ZNF592: variants seen among roughly 807,000 people sequenced by gnomAD.
The protein encoded by ZNF592 is zinc finger protein 592.
In ZNF592, 11 loss-of-function variants were observed where a neutral mutation model predicts 80.3. That is an observed-to-expected ratio of 0.14 (90% CI 0.09 to 0.23). The LOEUF (loss-of-function observed/expected upper bound fraction) is 0.23. ZNF592 is among the 10% of genes least tolerant of loss of function. ZNF592 has a pLI of 1.00. For synonymous variants in ZNF592, 646 were observed against 640.3 expected, an observed-to-expected ratio of 1.01 and a Z score of -0.13; for missense variants, 1,420 against 1,633.9, an observed-to-expected ratio of 0.87 and a Z score of 2.26.
intron 5 of ZNF592, among the ~76,000 whole-genome samples, chr15:84,791,507 G>T (rs546883891): frequency 6.6e-6 from 1 of 152,282 alleles, no homozygotes; most frequent in Non-Finnish European, 1.5e-5. Context: ...CTTCCCTCTA[G>T]AGCTCATTGA....
In ZNF592 at chr15:84,803,798, C is replaced by A. The variant is rs1963167849; in HGVS notation, c.*1405C>A. On this transcript the variant is annotated 3_prime_UTR_variant, in exon 11 of 11. Transcript: ENST00000560079. ...ACTTGGGAGACTGGCTGTCTTTTCACTGATGGTGGAGTCAGGGCCCACCCA... is the reference window on the plus strand; with the variant it reads ...ACTTGGGAGACTGGCTGTCTTTTCAATGATGGTGGAGTCAGGGCCCACCCA... 1.3e-5 allele frequency: 2 copies of A among 152,210 alleles called. No individual in the cohort carries two copies. The highest frequency in any genetic ancestry group is 6.5e-5 in the Admixed American group (1 of 15,284). The allele number at this position is 152,210 out of a possible 1,614,324, so 9.4% of individuals were successfully genotyped here. A position where few individuals can be genotyped will look rare whatever the true frequency, so the allele number is the denominator to read the frequency against.
chr15:84,790,899 C>T lies in ZNF592; in HGVS notation c.2399+16C>T, dbSNP rs1163695145. On this transcript the variant is annotated intron_variant, in intron 5 of 10. Transcript: ENST00000560079. ...TGGGCTACAGGTGGGTGCTGCCTGG[C>T]TTGCTGTCCTGGTATTGCCCAATGG... 6.2e-7 allele frequency: 1 copy of T among 1,614,042 alleles called. No homozygotes were observed. The highest frequency in any genetic ancestry group is 8.5e-7 in the Non-Finnish European group (1 of 1,180,028).
chr15:84,802,644 C>G lies in ZNF592; in HGVS notation c.*251C>G. ...TTTTCGCTGCTTCTTGGTGCCCCATCTCTTGTCTGTGTCCTTCCAACCCCA... is the reference window on the plus strand; with the variant it reads ...TTTTCGCTGCTTCTTGGTGCCCCATGTCTTGTCTGTGTCCTTCCAACCCCA... On this transcript the variant is annotated 3_prime_UTR_variant, in exon 11 of 11. Coordinates refer to ENST00000560079, the MANE Select transcript of ZNF592 (RefSeq NM_014630.3). 1.8e-6 allele frequency: 1 copy of G among 560,344 alleles called. No homozygotes were observed. The highest frequency in any genetic ancestry group is 3.2e-6 in the Non-Finnish European group (1 of 312,004). 34.7% of individuals were successfully genotyped at this position (560,344 alleles called of 1,614,324 possible).
intron 3 of ZNF592, among the ~76,000 whole-genome samples, chr15:84,780,090 G>T (rs150952197): frequency 4.0e-5 from 6 of 150,392 alleles, no homozygotes; most frequent in African/African-American, 1.5e-4. Flanking sequence ...GGGTTCAAGT[G>T]ATTCTCCTGC....
chr15:84,757,061 C>T (rs1899193892), intron 1 of ZNF592, among the ~76,000 whole-genome samples: 3 of 151,966 alleles, frequency 2.0e-5, no homozygotes, highest in South Asian at 4.2e-4. Context: ...TGCAGTGAGT[C>T]GACATTACGC....
intron 1 of ZNF592, among the ~76,000 whole-genome samples, chr15:84,760,833 G>A (rs945267798): frequency 1.3e-5 from 2 of 152,348 alleles, no homozygotes; most frequent in Middle Eastern, 6.8e-3. Context: ...CAGGGAGGCA[G>A]TGAGTTGGTG....
At chr15:84,789,937 T>A (rs1962694135) in intron 4 of ZNF592, among the ~76,000 whole-genome samples, 1 of 152,234 alleles carries the variant, frequency 6.6e-6, no homozygotes, top group Non-Finnish European at 1.5e-5. Flanking sequence ...TTGTCAGAGC[T>A]CTGCCCATCA....
intron 3 of ZNF592, among the ~76,000 whole-genome samples, chr15:84,781,784 T>C (rs1037694453): frequency 6.6e-6 from 1 of 152,226 alleles, no homozygotes; most frequent in Admixed American, 6.5e-5. Flanking sequence ...GTGAGTTTTA[T>C]AAGAATTTCC....
rs1056461509 is a variant in ZNF592 at position 84,799,941 on chromosome 15, G to A, written c.3237G>A (p.Thr1079=). 2.0e-5 allele frequency: 32 copies of A among 1,614,060 alleles called. No homozygotes were observed. The highest frequency in any genetic ancestry group is 2.3e-5 in the Non-Finnish European group (27 of 1,180,038). The part of the protein sequence containing the change: ...HGIRNPDLSQ[T]SKVKPPGGHS... ...TCAGAAACCCTGATTTGAGCCAGAC[G>A]TCCAAAGTGAAACCTCCGGGTGGAC... Residue 1079 remains threonine, a synonymous_variant, in exon 10 of 11, where the codon ACG becomes ACA. Coordinates refer to ENST00000560079, the MANE Select transcript of ZNF592 (RefSeq NM_014630.3). The surrounding 1 kb of genome is among the most constrained non-coding windows in gnomAD (Gnocchi z 4.2).
In ZNF592 at chr15:84,784,337, C is replaced by A; in HGVS notation, c.1662C>A (p.Val554=). 1 of 1,614,234 alleles carries A rather than the reference C, an allele frequency of 6.2e-7. No homozygotes were observed. The highest frequency in any genetic ancestry group is 8.5e-7 in the Non-Finnish European group (1 of 1,180,048). Residue 554 remains valine (V), a synonymous_variant, in exon 4 of 11, where the codon GTC becomes GTA. Transcript: ENST00000560079. This position sits in a 1 kb window ranked among gnomAD's most constrained non-coding sequence, Gnocchi z 5.8. ...VKKAAPLIVE[V]FNKVLHSSNP... ...AGGCTGCCCCACTGATTGTAGAGGT[C>A]TTCAACAAGGTCCTTCACAGCTCCA...
chr15:84,794,097 G>T (rs1013037919), intron 5 of ZNF592, among the ~76,000 whole-genome samples: 1 of 150,942 alleles, frequency 6.6e-6, no homozygotes, highest in African/African-American at 2.5e-5. Flanking sequence ...GTCAGCGGGT[G>T]GGGGGCTAGG....
At chr15:84,762,449 A>G (rs1899380225) in intron 1 of ZNF592, among the ~76,000 whole-genome samples, 1 of 152,178 alleles carries the variant, frequency 6.6e-6, no homozygotes, top group Non-Finnish European at 1.5e-5. Context: ...CAGATTGGAG[A>G]AAAGAGCAAG....
chr15:84,802,127 G>C lies in ZNF592; in HGVS notation c.3538G>C (p.Asp1180His). 1.2e-6 allele frequency: 2 copies of C among 1,608,424 alleles called. No individual in the cohort carries two copies. Among genetic ancestry groups the C allele is most frequent in the Middle Eastern group, 1.8e-4 (1 of 5,564 alleles). Reference protein sequence around the residue: ...RHLFIVHKVRDQEEEEEEEAA... With the variant: ...RHLFIVHKVRHQEEEEEEEAA... The stretch of plus-strand genomic sequence containing the variant: ...CCTCTTCATTGTCCACAAGGTGAGA[G>C]ACCAGGAGGAGGAGGAGGAAGAGGA... Residue 1180 changes from aspartate to histidine, a missense_variant, in exon 11 of 11, where the codon GAC becomes CAC. Physicochemically the swap from Asp to His is moderately conservative, Grantham distance 81. Coordinates refer to ENST00000560079, the MANE Select transcript of ZNF592 (RefSeq NM_014630.3).
At position 84,806,111 on chromosome 15, in the gene ZNF592, G is replaced by A. The variant is rs1963228126; in HGVS notation, c.*3718G>A. 1 of 152,570 alleles carries A rather than the reference G, an allele frequency of 6.6e-6. No homozygotes were observed. The highest frequency in any genetic ancestry group is 1.5e-5 in the Non-Finnish European group (1 of 68,020). The allele number at this position is 152,570 out of a possible 1,614,324, so 9.5% of individuals were successfully genotyped here. A position where few individuals can be genotyped will look rare whatever the true frequency, so the allele number is the denominator to read the frequency against. On this transcript the variant is annotated 3_prime_UTR_variant, in exon 11 of 11. Transcript: ENST00000560079. ...AAAGTATATGGATGAATGAGTGAAT[G>A]CTGCATGAATGAATGAATCTGATTC... is the stretch of plus-strand genomic sequence containing the variant.
intron 1 of ZNF592, among the ~76,000 whole-genome samples, chr15:84,757,516 T>G (rs2141960639): frequency 6.6e-6 from 1 of 152,094 alleles, no homozygotes; most frequent in South Asian, 2.1e-4. Flanking sequence ...TTAATTAGTT[T>G]TATTTTTTTA....
At position 84,798,347 on chromosome 15, in the gene ZNF592, T is replaced by A. The variant is rs1962983538; in HGVS notation, c.2609T>A (p.Phe870Tyr). Reference sequence around the variant, plus strand: ...TATAAGTGCTCCTGTGAAATGGTCTTCAACAAGAAGAGGCACATTCAGCAG... The same window carrying A: ...TATAAGTGCTCCTGTGAAATGGTCTACAACAAGAAGAGGCACATTCAGCAG... ...LIYKCSCEMVFNKKRHIQQHF... is the reference protein window; with the variant it reads ...LIYKCSCEMVYNKKRHIQQHF... The change falls in exon 7 of 11, where the codon TTC (phenylalanine) becomes TAC (tyrosine). Residue 870 changes from phenylalanine to tyrosine, a missense_variant. This residue lies in a region of ZNF592 where 331 missense variants were observed against 347.0 expected (regional missense o/e 0.95). Transcript: ENST00000560079. This position sits in a 1 kb window ranked among gnomAD's most constrained non-coding sequence, Gnocchi z 4.5. 5 of 1,614,098 alleles carry A rather than the reference T, an allele frequency of 3.1e-6. No homozygotes were observed. Among genetic ancestry groups the A allele is most frequent in the Admixed American group, 1.7e-5 (1 of 60,016 alleles).
Position 84,802,371 on chromosome 15 carries a change from A to G in ZNF592, c.3782A>G (p.His1261Arg). Residue 1261 changes from histidine (H) to arginine (R), a missense_variant, in exon 11 of 11, where the codon CAC (histidine) becomes CGC (arginine). Transcript: ENST00000560079. ...QPQASQDQDS[H>R]TLSPQV ...CAGGCCTCTCAGGACCAGGACAGCC[A>G]CACACTGTCCCCTCAGGTGTGACCG... 1 of 1,613,710 alleles carries G rather than the reference A, an allele frequency of 6.2e-7. No individual in the cohort carries two copies. The highest frequency in any genetic ancestry group is 8.5e-7 in the Non-Finnish European group (1 of 1,180,020).
At chr15:84,791,171 T>C (rs1160871225) in intron 5 of ZNF592, among the ~76,000 whole-genome samples, 9 of 152,262 alleles carry the variant, frequency 5.9e-5, no homozygotes, top group African/African-American at 2.2e-4. Flanking sequence ...AAAACGTATG[T>C]AAGTTTAATT....
At chr15:84,794,488 T>G (rs1322550498) in intron 5 of ZNF592, among the ~76,000 whole-genome samples, 1 of 152,122 alleles carries the variant, frequency 6.6e-6, no homozygotes, top group African/African-American at 2.4e-5. Flanking sequence ...CAACTTTTTT[T>G]TTTTTTTGAG....
Sources: gnomAD v4.1 joint callset for allele counts (sites outside exome capture counted in the v4.1 genomes callset) on GRCh38, gnomAD v4.1.1 for gene constraint, gnomAD v4.1.1 regional missense constraint, Gnocchi (gnomAD v3.1) non-coding constraint, MANE v1.5 for transcripts, NCBI Gene and HGNC (gene_info 2026-07-23, HGNC 2026-07-21) for gene names.